PM20D2: variants seen among roughly 807,000 people sequenced by gnomAD.
The protein encoded by PM20D2 is peptidase M20 domain containing 2, also known as xaa-Arg dipeptidase.
A neutral mutation model predicts 42.9 loss-of-function variants in PM20D2; 33 were observed. That is an observed-to-expected ratio of 0.77 (90% CI 0.58 to 1.03). The LOEUF (loss-of-function observed/expected upper bound fraction) is 1.03, where lower values mean the gene tolerates loss of function less well. PM20D2 is among the 50% of genes least tolerant of loss of function. The pLI, the probability that PM20D2 is intolerant of heterozygous loss-of-function variation, is 0.00. For synonymous variants in PM20D2, 250 were observed against 228.2 expected (o/e 1.10, Z -0.86); for missense variants, 548 against 557.0 (o/e 0.98, Z 0.16).
chr6:89,113,152 T>C, the PM20D2 span, among the ~76,000 whole-genome samples: 4 of 152,256 alleles, frequency 2.6e-5, no homozygotes, highest in Admixed American at 1.3e-4. Context: ...ATTTTACATA[T>C]GTTTTATTTA....
intron 4 of PM20D2, among the ~76,000 whole-genome samples, chr6:89,155,216 G>A (rs990657320): frequency 4.6e-5 from 6 of 131,768 alleles, no homozygotes; most frequent in African/African-American, 1.7e-4. Flanking sequence ...ATTGCTATAT[G>A]TAGTTTCTAT....
the PM20D2 span, among the ~76,000 whole-genome samples, chr6:89,125,041 C>T: frequency 6.6e-6 from 1 of 151,856 alleles, no homozygotes; most frequent in South Asian, 2.1e-4. Flanking sequence ...CTGGCCCCAT[C>T]AAGATTTTTT....
At position 89,154,768 on chromosome 6, in the gene PM20D2, GT is replaced by G; in HGVS notation, c.779del (p.Val260GlufsTer12). The G allele has an allele frequency of 6.4e-7, 1 of 1,555,466 alleles. No homozygotes were observed. ...TATAGGTATAATAAAAAATGGTGGTGTAAAACCCAATATCATTCCCTCTTAT... is the reference window on the plus strand; with the variant it reads ...TATAGGTATAATAAAAAATGGTGGTGAAAACCCAATATCATTCCCTCTTAT... ...RVHGIIKNGGVKPNIIPSYSE... is the reference protein window; with the variant it reads ...RVHGIIKNGGXKPNIIPSYSE... On this transcript the variant is annotated frameshift_variant, in exon 4 of 7. Coordinates refer to ENST00000275072, the MANE Select transcript of PM20D2 (RefSeq NM_001010853.3). LOFTEE classifies it high-confidence loss of function.
At chr6:89,145,717 C>G (rs75314785), upstream of PM20D2, among the ~76,000 whole-genome samples, 710 of 152,332 alleles carry the variant, frequency 4.7e-3, 2 homozygotes, top group African/African-American at 0.016. Context: ...ATTACTAATG[C>G]TACAGAGTGG....
At chr6:89,151,536 C>A (rs889948851) in intron 2 of PM20D2, among the ~76,000 whole-genome samples, 4 of 152,152 alleles carry the variant, frequency 2.6e-5, no homozygotes, top group African/African-American at 7.2e-5. Context: ...CCACAAATTT[C>A]TAATGAATAA....
chr6:89,117,550 C>A, the PM20D2 span, among the ~76,000 whole-genome samples: 9,565 of 152,280 alleles, frequency 0.063, 878 homozygotes, highest in African/African-American at 0.2. Context: ...GGCCCGCCGG[C>A]TGCGGTGCTG....
the PM20D2 span, among the ~76,000 whole-genome samples, chr6:89,108,105 C>T: frequency 1.3e-5 from 2 of 152,084 alleles, no homozygotes; most frequent in South Asian, 2.1e-4. Context: ...CTACTGTATT[C>T]CCAAATCTGA....
chr6:89,095,037 C>A, the PM20D2 span, among the ~76,000 whole-genome samples: 1 of 152,076 alleles, frequency 6.6e-6, no homozygotes. Context: ...TCGAGAAATG[C>A]ACACACAGTA....
At chr6:89,142,727 G>A (rs987267128), upstream of PM20D2, among the ~76,000 whole-genome samples, 1 of 151,892 alleles carries the variant, frequency 6.6e-6, no homozygotes, top group Non-Finnish European at 1.5e-5. Flanking sequence ...ACGCGATCTC[G>A]GCTCACTGCA....
chr6:89,152,276 C>G (rs964082867), intron 2 of PM20D2, among the ~76,000 whole-genome samples: 1 of 152,046 alleles, frequency 6.6e-6, no homozygotes, highest in African/African-American at 2.4e-5. Flanking sequence ...TGAATCTAAC[C>G]CATTAAAATA....
chr6:89,106,246 G>A, the PM20D2 span, among the ~76,000 whole-genome samples: 1 of 151,272 alleles, frequency 6.6e-6, no homozygotes, highest in African/African-American at 2.4e-5. Context: ...CCAAGTAGCT[G>A]GGACTACAGG....
chr6:89,097,554 A>G, the PM20D2 span: 1 of 152,030 alleles, frequency 6.6e-6, no homozygotes, highest in African/African-American at 2.4e-5. Context: ...GGATTTCACC[A>G]TGTTGCCCAG....
At chr6:89,141,574 C>A (rs983203512), upstream of PM20D2, among the ~76,000 whole-genome samples, 11 of 152,130 alleles carry the variant, frequency 7.2e-5, no homozygotes, top group Non-Finnish European at 1.0e-4. Context: ...CCATGTTGGG[C>A]AGGCTGGTCT....
the PM20D2 span, among the ~76,000 whole-genome samples, chr6:89,123,448 C>T: frequency 1.3e-5 from 2 of 152,280 alleles, no homozygotes; most frequent in Non-Finnish European, 2.9e-5. Context: ...GAGCCAGGCA[C>T]AGTTGCTCAT....
chr6:89,158,430 TC>T lies in PM20D2; in HGVS notation c.1019del (p.Ser340Ter). On this transcript the variant is annotated frameshift_variant, in exon 5 of 7. Coordinates refer to ENST00000275072, the MANE Select transcript of PM20D2 (RefSeq NM_001010853.3). LOFTEE classifies it high-confidence loss of function. ...NGRKLGIEFI[S>X]EDTMLNGPSG... ...AAGAAAGCTAGGAATAGAGTTCATT[TC>T]AGAAGATACAATGTTGAATGGCCCT... 6.2e-7 allele frequency: 1 copy of T among 1,611,644 alleles called. No individual in the cohort carries two copies.
At chr6:89,095,260 C>T in the PM20D2 span, among the ~76,000 whole-genome samples, 1 of 152,192 alleles carries the variant, frequency 6.6e-6, no homozygotes, top group Non-Finnish European at 1.5e-5. Context: ...GTGTCTTACT[C>T]TGTAGCCCAG....
At chr6:89,137,359 AAAAG>A in the PM20D2 span, among the ~76,000 whole-genome samples, 4 of 152,180 alleles carry the variant, frequency 2.6e-5, no homozygotes, top group South Asian at 4.1e-4. Flanking sequence ...CCCATCTCTA[AAAAG>A]AAAGAAAGAG....
At chr6:89,108,358 G>T in the PM20D2 span, among the ~76,000 whole-genome samples, 1 of 152,182 alleles carries the variant, frequency 6.6e-6, no homozygotes, top group Admixed American at 6.5e-5. Context: ...GACAGATTAT[G>T]GGTGATACAG....
chr6:89,123,934 G>C, the PM20D2 span, among the ~76,000 whole-genome samples: 1 of 151,656 alleles, frequency 6.6e-6, no homozygotes, highest in African/African-American at 2.4e-5. Flanking sequence ...CTACTCTGGA[G>C]GCTGAGGTGG....
Sources: allele counts gnomAD v4.1 joint callset (sites outside exome capture counted in the v4.1 genomes callset), GRCh38; gene constraint gnomAD v4.1.1; transcripts MANE v1.5; gene names NCBI Gene and HGNC (gene_info 2026-07-23, HGNC 2026-07-21).